Variants in MAU2 observed in about 807,000 individuals in gnomAD.
MAU2 encodes the protein MAU2 chromatid cohesion factor homolog.
A neutral mutation model predicts 89.1 loss-of-function variants in MAU2; 9 were observed. The ratio of observed to expected loss-of-function variants is 0.10; its 90% CI spans 0.06 to 0.18. The LOEUF (loss-of-function observed/expected upper bound fraction) is 0.18. MAU2 is among the 10% of genes least tolerant of loss of function. The probability of loss-of-function intolerance (pLI) is 1.00; values close to 1 mark genes in which losing one functional copy is unlikely to be tolerated. For synonymous variants in MAU2, 357 were observed against 343.4 expected, an observed-to-expected ratio of 1.04 and a Z score of -0.44; for missense variants, 425 against 803.5, an observed-to-expected ratio of 0.53 and a Z score of 5.69.
chr19:19,345,442 T>G lies in MAU2; in HGVS notation c.1221+73T>G. The G allele has an allele frequency of 6.8e-7, 1 of 1,464,184 alleles. No individual in the cohort carries two copies. Among genetic ancestry groups the G allele is most frequent in the Non-Finnish European group, 9.5e-7 (1 of 1,051,220 alleles). 90.7% of individuals were successfully genotyped at this position (1,464,184 alleles called of 1,614,324 possible). On this transcript the variant is annotated intron_variant, in intron 12 of 18. Transcript: ENST00000262815. This position sits in a 1 kb window ranked among gnomAD's most constrained non-coding sequence, Gnocchi z 4.9. Reference sequence around the variant, plus strand: ...GTAAGGAGTCGGGCGTGGTCTGTGATGAGGACAGCAGTCGCGCTAGGTCAG... The same window carrying G: ...GTAAGGAGTCGGGCGTGGTCTGTGAGGAGGACAGCAGTCGCGCTAGGTCAG...
intron 5 of MAU2, among the ~76,000 whole-genome samples, 193 bp from the exon 6 acceptor site, chr19:19,340,653 A>G (rs1446939414): frequency 1.3e-5 from 2 of 152,182 alleles, no homozygotes; most frequent in African/African-American, 4.8e-5. Flanking sequence ...AAATAAATAA[A>G]TAAATAAAAA....
intron 1 of MAU2, chr19:19,321,584 C>T (rs1194991143): frequency 6.4e-6 from 1 of 155,522 alleles, no homozygotes; most frequent in East Asian, 1.9e-4. Flanking sequence ...AAGGCGAGAC[C>T]CCTGGCATTC....
rs1204049431 is a variant in MAU2 at position 19,326,735 on chromosome 19, T to TAC, written c.276+5604_276+5605dup. On this transcript the variant is annotated intron_variant, in intron 1 of 18. Transcript: ENST00000262815. ...ATATATATATACATATATATATATA[T>TAC]ACACAAAAATTAACCAGGCATGGTG... is the stretch of plus-strand genomic sequence containing the variant. 3.3e-4 allele frequency among the ~76,000 whole-genome samples: 44 copies of TAC among 134,116 alleles called. 1 individual carries two copies. The East Asian group carries it at 4.1e-3, about 12-fold the overall frequency. The allele number at this position is 134,116 out of a possible 152,430, so 88.0% of individuals were successfully genotyped here.
intron 16 of MAU2, among the ~76,000 whole-genome samples, chr19:19,351,837 A>ATTTTTT (rs35932608): frequency 1.7e-5 from 1 of 58,916 alleles, no homozygotes; most frequent in Non-Finnish European, 3.0e-5. Context: ...CTGTTTGGTA[A>ATTTTTT]TTTTTTTTTT....
chr19:19,328,662 C>A, intron 1 of MAU2, among the ~76,000 whole-genome samples: 1 of 152,182 alleles, frequency 6.6e-6, no homozygotes, highest in East Asian at 1.9e-4. Flanking sequence ...ACCTCGTAAT[C>A]CGCCCGCCTC....
chr19:19,336,391 C>T (rs1250815115), intron 3 of MAU2, among the ~76,000 whole-genome samples: 6 of 152,066 alleles, frequency 3.9e-5, no homozygotes, highest in Admixed American at 6.6e-5. Flanking sequence ...CCTTAAACTC[C>T]TGAGCTCAAG....
In MAU2 at chr19:19,355,857, C is replaced by A. The variant is rs750367380; in HGVS notation, c.*75C>A. 7.4e-7 allele frequency: 1 copy of A among 1,347,908 alleles called. No homozygotes were observed. The highest frequency in any genetic ancestry group is 1.1e-6 in the Non-Finnish European group (1 of 951,374). The allele number at this position is 1,347,908 out of a possible 1,614,324, so 83.5% of individuals were successfully genotyped here. ...CCACCCAGACGGCACTCAAGCCTGC[C>A]CCCGAGGCGTGCTTCCTTCCTGATT... On this transcript the variant is annotated 3_prime_UTR_variant, in exon 19 of 19. Transcript: ENST00000262815.
chr19:19,327,756 G>A (rs1173965669), intron 1 of MAU2, among the ~76,000 whole-genome samples: 9 of 151,958 alleles, frequency 5.9e-5, no homozygotes, highest in Admixed American at 5.2e-4. Flanking sequence ...AACACCTGCC[G>A]GCCGCCTTGT....
intron 1 of MAU2, among the ~76,000 whole-genome samples, chr19:19,333,576 G>A (rs2061573881): frequency 6.6e-6 from 1 of 152,222 alleles, no homozygotes; most frequent in African/African-American, 2.4e-5. Context: ...TTGTAGAAGG[G>A]GGTGTAGTAT....
chr19:19,358,491 C>T lies in MAU2; in HGVS notation c.*2709C>T, dbSNP rs2048203804. The T allele has an allele frequency of 6.6e-6, 1 of 152,240 alleles. No individual in the cohort carries two copies. Among genetic ancestry groups the T allele is most frequent in the South Asian group, 2.1e-4 (1 of 4,832 alleles). 9.4% of individuals were successfully genotyped at this position (152,240 alleles called of 1,614,324 possible). On this transcript the variant is annotated 3_prime_UTR_variant, in exon 19 of 19. Transcript: ENST00000262815. Reference sequence around the variant, plus strand: ...ACTGCCACCCAGCCCAGCATGGTGGCTCAATTGGTTGGTTGCGTTGTCAGT... The same window carrying T: ...ACTGCCACCCAGCCCAGCATGGTGGTTCAATTGGTTGGTTGCGTTGTCAGT...
intron 1 of MAU2, among the ~76,000 whole-genome samples, chr19:19,323,429 A>G (rs184190891): frequency 2.6e-5 from 4 of 152,178 alleles, no homozygotes; most frequent in South Asian, 2.1e-4. Context: ...CCTGACCTCA[A>G]GTGATCCGCC....
chr19:19,326,708 A>ATATATACACATATATATATGTG (rs1555792845), intron 1 of MAU2, among the ~76,000 whole-genome samples: 32 of 120,172 alleles, frequency 2.7e-4, no homozygotes, highest in Non-Finnish European at 4.2e-4. Flanking sequence ...ATATGTATAT[A>ATATATACACATATATATATGTG]TATATATATA....
At chr19:19,341,883 TGTGCTTGTGTGACA>T (rs2061651092) in intron 7 of MAU2, among the ~76,000 whole-genome samples, 1 of 152,158 alleles carries the variant, frequency 6.6e-6, no homozygotes, top group South Asian at 2.1e-4. Flanking sequence ...TCCTTGTCTC[TGTGCTTGTGTGACA>T]GTCTCAGCCC....
chr19:19,336,981 C>A (rs1336879656), intron 3 of MAU2, among the ~76,000 whole-genome samples, 189 bp from the exon 4 acceptor site: 2 of 152,302 alleles, frequency 1.3e-5, no homozygotes, highest in South Asian at 2.1e-4. Flanking sequence ...AGAAACTTCC[C>A]AGCCAGTGAG....
At position 19,355,255 on chromosome 19, in the gene MAU2, C is replaced by T; in HGVS notation, c.1640-9C>T. ...AAGGCGGGCCCCCATGCTCATGTCC[C>T]ACTCTCAGACCTGAATAAAGCCTGT... On this transcript the variant is annotated splice_polypyrimidine_tract_variant and intron_variant, in intron 17 of 18. Transcript: ENST00000262815. 1 of 1,613,838 alleles carries T rather than the reference C, an allele frequency of 6.2e-7. No homozygotes were observed. Among genetic ancestry groups the T allele is most frequent in the Admixed American group, 1.7e-5 (1 of 60,020 alleles).
At chr19:19,323,738 C>A (rs1431664108) in intron 1 of MAU2, among the ~76,000 whole-genome samples, 6 of 152,160 alleles carry the variant, frequency 3.9e-5, no homozygotes, top group Admixed American at 1.3e-4. Flanking sequence ...CCTGCCTCAG[C>A]CTCCCAAAGT....
chr19:19,339,223 G>A (rs1051799943), intron 5 of MAU2, among the ~76,000 whole-genome samples: 11 of 152,152 alleles, frequency 7.2e-5, no homozygotes, highest in African/African-American at 2.4e-4. Flanking sequence ...GCTAACGTGG[G>A]AGGATCACGA....
At position 19,356,231 on chromosome 19, in the gene MAU2, C is replaced by T. The variant is rs747113463; in HGVS notation, c.*449C>T. 6 of 356,414 alleles carry T rather than the reference C, an allele frequency of 1.7e-5. No homozygotes were observed. Among genetic ancestry groups the T allele is most frequent in the Non-Finnish European group, 2.8e-5 (5 of 179,320 alleles). 22.1% of individuals were successfully genotyped at this position (356,414 alleles called of 1,614,324 possible). ...TCTGCTCAAGGCAATTTCCAGAGCCCGGATGCCAGTTTCTGGCCTGAATTT... is the reference window on the plus strand; with the variant it reads ...TCTGCTCAAGGCAATTTCCAGAGCCTGGATGCCAGTTTCTGGCCTGAATTT... On this transcript the variant is annotated 3_prime_UTR_variant, in exon 19 of 19. Transcript: ENST00000262815.
At chr19:19,352,481 C>G (rs994092934) in intron 16 of MAU2, 1 of 152,300 alleles carries the variant, frequency 6.6e-6, no homozygotes, top group Admixed American at 6.5e-5. Context: ...GCCACTACCC[C>G]GTCAAAACCT....
Sources: allele counts gnomAD v4.1 joint callset (sites outside exome capture counted in the v4.1 genomes callset), GRCh38; gene constraint gnomAD v4.1.1; non-coding constraint Gnocchi (gnomAD v3.1); transcripts MANE v1.5; gene names NCBI Gene and HGNC (gene_info 2026-07-23, HGNC 2026-07-21).